Variants in SIPA1L3 observed in about 807,000 individuals in gnomAD.
The protein encoded by SIPA1L3 is signal-induced proliferation-associated 1-like protein 3.
SIPA1L3 carries 59 observed loss-of-function variants against 150.1 expected under a neutral mutation model. That is an observed-to-expected ratio of 0.39 (90% CI 0.32 to 0.49). The LOEUF (loss-of-function observed/expected upper bound fraction) is 0.49. Ranked by LOEUF, SIPA1L3 falls within the 20% of genes least tolerant of loss-of-function variation. The probability of loss-of-function intolerance (pLI) is 0.86; values close to 1 mark genes in which losing one functional copy is unlikely to be tolerated. For missense variants in SIPA1L3, 2,211 were observed against 2,489.5 expected (o/e 0.89, Z 2.38); for synonymous variants, 1,070 against 1,077.6 (o/e 0.99, Z 0.14).
At chr19:37,989,368 C>T (rs995297771) in intron 1 of SIPA1L3, among the ~76,000 whole-genome samples, 7 of 152,222 alleles carry the variant, frequency 4.6e-5, no homozygotes, top group East Asian at 1.9e-4. Flanking sequence ...TACAGGTGTG[C>T]GCCATCACTC....
intron 2 of SIPA1L3, among the ~76,000 whole-genome samples, chr19:38,070,044 G>A (rs994337515): frequency 1.6e-4 from 25 of 151,936 alleles, no homozygotes; most frequent in South Asian, 6.3e-4. Flanking sequence ...CCAGTCCCCC[G>A]AGCATCCCCA....
chr19:38,147,540 G>T (rs1971727998), intron 12 of SIPA1L3, among the ~76,000 whole-genome samples: 1 of 151,768 alleles, frequency 6.6e-6, no homozygotes, highest in African/African-American at 2.4e-5. Context: ...TTTGAGATTT[G>T]TTTGTTTTAA....
intron 12 of SIPA1L3, among the ~76,000 whole-genome samples, chr19:38,146,293 A>ATTATGCT (rs1246315235): frequency 5.3e-5 from 8 of 152,198 alleles, no homozygotes; most frequent in Non-Finnish European, 1.0e-4. Context: ...GCGAGTCTCT[A>ATTATGCT]GTTCACTCAT....
intron 2 of SIPA1L3, among the ~76,000 whole-genome samples, chr19:38,066,645 G>T (rs1051418464): frequency 2.6e-5 from 4 of 151,998 alleles, no homozygotes; most frequent in African/African-American, 9.6e-5. Context: ...GGCCAATGTG[G>T]TGAAACCCCT....
At chr19:38,154,786 G>C (rs1971907741) in intron 13 of SIPA1L3, among the ~76,000 whole-genome samples, 1 of 135,768 alleles carries the variant, frequency 7.4e-6, no homozygotes, top group South Asian at 2.3e-4. Context: ...TTTTGAGACA[G>C]AGTCTTACTC....
intron 15 of SIPA1L3, among the ~76,000 whole-genome samples, chr19:38,174,229 T>C (rs1972390909): frequency 6.6e-6 from 1 of 152,186 alleles, no homozygotes; most frequent in Non-Finnish European, 1.5e-5. Flanking sequence ...GTCTGCTTCC[T>C]GAAGACCCGT....
In SIPA1L3 at chr19:38,186,939, G is replaced by A. The variant is rs186023765; in HGVS notation, c.4430+4199G>A. ...GGAGAATTGCTTGAACCCAGGAGGC[G>A]GAGGTTGTGGTGAGCCAAGATCGTG... On this transcript the variant is annotated intron_variant, in intron 16 of 21. Transcript: ENST00000222345. Among the ~76,000 whole-genome samples the A allele has an allele frequency of 2.0e-3, 306 of 149,278 alleles. 3 individuals carry two copies. Among genetic ancestry groups the A allele is most frequent in the African/African-American group, 6.2e-3 (252 of 40,470 alleles).
At chr19:38,015,039 T>C (rs1328495524) in intron 1 of SIPA1L3, among the ~76,000 whole-genome samples, 1 of 152,082 alleles carries the variant, frequency 6.6e-6, no homozygotes, top group Non-Finnish European at 1.5e-5. Context: ...GTCTCAAAAC[T>C]CCTGGCCTCA....
intron 1 of SIPA1L3, among the ~76,000 whole-genome samples, chr19:38,000,331 G>T (rs1398468033): frequency 6.6e-6 from 1 of 151,978 alleles, no homozygotes; most frequent in African/African-American, 2.4e-5. Context: ...AGCTGGGCGT[G>T]GTGGTGGGTG....
At position 37,982,386 on chromosome 19, in the gene SIPA1L3, C is replaced by T. The variant is rs139723460; in HGVS notation, c.-378-46703C>T. ...GGCTGCGTCCCCTGGGGCCAGGGAG[C>T]ACCTACTGTGTGCCTAGTGCTGGCC... On this transcript the variant is annotated intron_variant, in intron 1 of 21. Coordinates refer to ENST00000222345, the MANE Select transcript of SIPA1L3 (RefSeq NM_015073.3). Among the ~76,000 whole-genome samples the T allele has an allele frequency of 4.6e-5, 7 of 152,352 alleles. No homozygotes were observed. In the East Asian group the frequency reaches 1.4e-3, roughly 29 times the overall value.
chr19:37,924,824 G>T lies in SIPA1L3; in HGVS notation c.-379+17466G>T, dbSNP rs371929298. On this transcript the variant is annotated intron_variant, in intron 1 of 21. Coordinates refer to ENST00000222345, the MANE Select transcript of SIPA1L3 (RefSeq NM_015073.3). ...AGCACTTTCGGAGCCTGAAGTGGGC[G>T]GATCACCTGAGATCAGGAGTTCTAG... Among the ~76,000 whole-genome samples, 59 of 151,916 alleles carry T rather than the reference G, an allele frequency of 3.9e-4. No homozygotes were observed. The East Asian group carries it at 7.2e-3, about 19-fold the overall frequency.
intron 1 of SIPA1L3, among the ~76,000 whole-genome samples, chr19:37,995,781 G>A (rs1268628983): frequency 2.6e-5 from 4 of 152,204 alleles, no homozygotes; most frequent in African/African-American, 9.6e-5. Flanking sequence ...TGTAGGAGGG[G>A]AGCTTCAGAT....
intron 1 of SIPA1L3, among the ~76,000 whole-genome samples, chr19:37,922,347 C>T (rs902015030): frequency 6.6e-6 from 1 of 152,074 alleles, no homozygotes; most frequent in Non-Finnish European, 1.5e-5. Context: ...CTCAGCCTTC[C>T]AAAGTGCTAG....
chr19:38,085,727 C>T (rs997193968), intron 3 of SIPA1L3, among the ~76,000 whole-genome samples: 1 of 152,222 alleles, frequency 6.6e-6, no homozygotes, highest in Non-Finnish European at 1.5e-5. Context: ...AGCGCATTGG[C>T]TCATGCCTGT....
Position 38,162,241 on chromosome 19 carries a change from G to T in SIPA1L3, c.3662-12G>T. 1 of 1,611,768 alleles carries T rather than the reference G, an allele frequency of 6.2e-7. No homozygotes were observed. Among genetic ancestry groups the T allele is most frequent in the Non-Finnish European group, 8.5e-7 (1 of 1,177,772 alleles). On this transcript the variant is annotated splice_polypyrimidine_tract_variant and intron_variant, in intron 13 of 21. Transcript: ENST00000222345. Reference sequence around the variant, plus strand: ...ACTCCTAACCACTGGTGTGTCTCCTGTTTTCCTACAGAGCCTTTGTGGCAT... The same window carrying T: ...ACTCCTAACCACTGGTGTGTCTCCTTTTTTCCTACAGAGCCTTTGTGGCAT...
intron 2 of SIPA1L3, among the ~76,000 whole-genome samples, chr19:38,044,237 G>A (rs547203633): frequency 2.6e-5 from 4 of 152,182 alleles, no homozygotes; most frequent in Non-Finnish European, 2.9e-5. Flanking sequence ...GAGTCTGTTC[G>A]GTGCTGGGTG....
chr19:37,979,130 G>A (rs1350779302), intron 1 of SIPA1L3, among the ~76,000 whole-genome samples: 1 of 152,086 alleles, frequency 6.6e-6, no homozygotes, highest in Non-Finnish European at 1.5e-5. Context: ...GTGGCCACCT[G>A]TAGCCTGCGG....
At chr19:38,118,565 G>A (rs1040605455) in intron 8 of SIPA1L3, among the ~76,000 whole-genome samples, 9 of 151,126 alleles carry the variant, frequency 6.0e-5, no homozygotes, top group African/African-American at 1.5e-4. Context: ...AGACAGTCTC[G>A]ATCTGTGCCC....
chr19:37,955,525 A>T (rs2046802824), intron 1 of SIPA1L3, among the ~76,000 whole-genome samples: 1 of 152,192 alleles, frequency 6.6e-6, no homozygotes, highest in Admixed American at 6.5e-5. Flanking sequence ...CTTTGCAGGC[A>T]GTCCTTGCTT....
Sources: gnomAD v4.1 joint callset for allele counts (sites outside exome capture counted in the v4.1 genomes callset) on GRCh38, gnomAD v4.1.1 for gene constraint, MANE v1.5 for transcripts, NCBI Gene and HGNC (gene_info 2026-07-23, HGNC 2026-07-21) for gene names.